Variants in MYO18B observed in about 807,000 individuals in gnomAD.
MYO18B encodes the protein myosin XVIIIB, also known as unconventional myosin-XVIIIb.
Under a neutral mutation model 273.0 loss-of-function variants are expected in MYO18B, and 204 were observed. That is an observed-to-expected ratio of 0.75 (90% CI 0.67 to 0.84). The LOEUF (loss-of-function observed/expected upper bound fraction) is 0.84. Ranked by LOEUF, MYO18B falls within the 40% of genes least tolerant of loss-of-function variation. The probability of loss-of-function intolerance (pLI) is 0.00; values close to 1 mark genes in which losing one functional copy is unlikely to be tolerated. For synonymous variants in MYO18B, 1,330 were observed against 1,305.7 expected (o/e 1.02, Z -0.40); for missense variants, 3,212 against 3,287.6 (o/e 0.98, Z 0.56).
At chr22:25,826,552 GAATT>G in intron 14 of MYO18B, 53 bp downstream of exon 14, 1 of 1,485,326 alleles carries the variant, frequency 6.7e-7, no homozygotes, top group Non-Finnish European at 9.3e-7. Context: ...GTGCACAGAT[GAATT>G]CACATACCGG....
intron 39 of MYO18B, among the ~76,000 whole-genome samples, chr22:25,974,108 T>C (rs1356288276): frequency 6.6e-6 from 1 of 152,204 alleles, no homozygotes; most frequent in East Asian, 1.9e-4. Context: ...CTCACTAAAC[T>C]CTTTTATGTC....
At chr22:25,769,859 A>T (rs999664888) in intron 4 of MYO18B, among the ~76,000 whole-genome samples, 9 of 144,796 alleles carry the variant, frequency 6.2e-5, no homozygotes, top group East Asian at 6.1e-4. Flanking sequence ...TTTATGTAGT[A>T]TTTTTTTTTT....
At chr22:26,060,997 GCA>G in the MYO18B span, among the ~76,000 whole-genome samples, 1 of 97,870 alleles carries the variant, frequency 1.0e-5, no homozygotes, top group Non-Finnish European at 1.8e-5. Flanking sequence ...TACCACATAT[GCA>G]CACACATACA....
chr22:25,995,133 C>T (rs1310790916), intron 40 of MYO18B, among the ~76,000 whole-genome samples: 5 of 152,070 alleles, frequency 3.3e-5, no homozygotes, highest in South Asian at 2.1e-4. Flanking sequence ...CGGTCATTTG[C>T]GGCAATGTGA....
intron 39 of MYO18B, among the ~76,000 whole-genome samples, chr22:25,985,418 G>A (rs1162778789): frequency 6.6e-6 from 1 of 152,082 alleles, no homozygotes; most frequent in Non-Finnish European, 1.5e-5. Flanking sequence ...TGAATCTTCA[G>A]GATAATTATG....
chr22:26,000,049 G>A (rs1461593577), intron 40 of MYO18B, among the ~76,000 whole-genome samples: 1 of 152,208 alleles, frequency 6.6e-6, no homozygotes, highest in Non-Finnish European at 1.5e-5. Flanking sequence ...ACCACCAAAT[G>A]AATCAGGACC....
At chr22:25,758,536 G>C (rs1156511115) in intron 1 of MYO18B, among the ~76,000 whole-genome samples, 1 of 151,914 alleles carries the variant, frequency 6.6e-6, no homozygotes, top group Non-Finnish European at 1.5e-5. Flanking sequence ...AAAGTAATGA[G>C]GGGCCGACGC....
At chr22:25,882,367 AAAG>A (rs1434767364) in intron 25 of MYO18B, among the ~76,000 whole-genome samples, 5 of 151,908 alleles carry the variant, frequency 3.3e-5, no homozygotes, top group Non-Finnish European at 5.9e-5. Flanking sequence ...GAAAAAAAAA[AAAG>A]AAACACCTGT....
rs2087403484 is a variant in MYO18B at position 25,786,661 on chromosome 22, G to C, written c.2376+1170G>C. 3.3e-5 allele frequency among the ~76,000 whole-genome samples: 5 copies of C among 152,258 alleles called. No individual in the cohort carries two copies. The South Asian group carries it at 1.0e-3, about 32-fold the overall frequency. On this transcript the variant is annotated intron_variant, in intron 11 of 43. Transcript: ENST00000335473. Reference sequence around the variant, plus strand: ...TCTTAAATGAGACATCAAAATCCCAGTCCATAAGAGAACAAATTAACTTTA... The same window carrying C: ...TCTTAAATGAGACATCAAAATCCCACTCCATAAGAGAACAAATTAACTTTA...
chr22:25,792,498 T>TTTTC (rs2087717483), intron 11 of MYO18B, among the ~76,000 whole-genome samples: 2 of 17,598 alleles, frequency 1.1e-4, no homozygotes, highest in African/African-American at 2.2e-4. Context: ...TTTTCTTTTC[T>TTTTC]TTTTTTTTTT....
intron 39 of MYO18B, among the ~76,000 whole-genome samples, chr22:25,991,660 C>T (rs769829035): frequency 1.4e-4 from 21 of 152,258 alleles, no homozygotes; most frequent in Middle Eastern, 3.4e-3. Context: ...GTTCCAGCTC[C>T]GCCATGAAGT....
At chr22:26,000,612 G>T (rs1179796838) in intron 40 of MYO18B, among the ~76,000 whole-genome samples, 1 of 144,976 alleles carries the variant, frequency 6.9e-6, no homozygotes. Flanking sequence ...CTCCTGTCCC[G>T]AAGGCTTCAT....
intron 7 of MYO18B, among the ~76,000 whole-genome samples, chr22:25,776,283 G>A (rs986095484): frequency 3.3e-5 from 5 of 152,174 alleles, no homozygotes; most frequent in Non-Finnish European, 7.3e-5. Flanking sequence ...GTGACCTCTT[G>A]TCCTGGTTTT....
At position 25,952,390 on chromosome 22, in the gene MYO18B, A is replaced by G. The variant is rs368422718; in HGVS notation, c.5937A>G (p.Thr1979=). The G allele has an allele frequency of 1.4e-5, 22 of 1,613,052 alleles. No individual in the cohort carries two copies. The African/African-American group carries it at 2.7e-4, about 20-fold the overall frequency. Residue 1979 remains threonine, a synonymous_variant, in exon 38 of 44, where the codon ACA becomes ACG. Coordinates refer to ENST00000335473, the MANE Select transcript of MYO18B (RefSeq NM_032608.7). ...EAVICDLENK[T]EFQKVQIKRF... is the part of the protein sequence containing the mutation. ...TCATCTGTGACCTAGAGAACAAGAC[A>G]GAGTTCCAGAAGGTGCAGATTAAGA...
intron 16 of MYO18B, among the ~76,000 whole-genome samples, chr22:25,833,782 C>CTTGGCA (rs1431419652): frequency 6.6e-6 from 1 of 152,230 alleles, no homozygotes; most frequent in Non-Finnish European, 1.5e-5. Flanking sequence ...TGGCGTGATG[C>CTTGGCA]TTGGCACACA....
chr22:26,008,482 A>G (rs914036246), intron 42 of MYO18B, among the ~76,000 whole-genome samples: 1 of 152,202 alleles, frequency 6.6e-6, no homozygotes, highest in Admixed American at 6.5e-5. Flanking sequence ...CTAAAAACAG[A>G]AGAGAGGGAG....
intron 2 of MYO18B, 101 bp downstream of exon 2, chr22:25,761,232 A>G (rs1163005206): frequency 6.2e-5 from 81 of 1,313,882 alleles, no homozygotes; most frequent in Non-Finnish European, 6.0e-5. Context: ...GGAGTCTGAC[A>G]TCCAGCCCTC....
intron 15 of MYO18B, among the ~76,000 whole-genome samples, chr22:25,832,032 G>A (rs901623001): frequency 5.3e-5 from 8 of 152,126 alleles, no homozygotes; most frequent in Admixed American, 2.6e-4. Context: ...TAAGAGAAAT[G>A]CAAATCCAAA....
chr22:25,770,755 T>C (rs1412548070), intron 5 of MYO18B, 117 bp from the exon 6 acceptor site: 6 of 702,528 alleles, frequency 8.5e-6, no homozygotes, highest in African/African-American at 5.3e-5. Flanking sequence ...TCCCAAGCCT[T>C]CTCCCAAGCT....
Sources: allele counts gnomAD v4.1 joint callset (sites outside exome capture counted in the v4.1 genomes callset), GRCh38; gene constraint gnomAD v4.1.1; transcripts MANE v1.5; gene names NCBI Gene and HGNC (gene_info 2026-07-23, HGNC 2026-07-21).